SHISA9: variants seen among roughly 807,000 people sequenced by gnomAD.
SHISA9 encodes shisa family member 9.
SHISA9 carries 13 observed loss-of-function variants against 38.0 expected under a neutral mutation model. That is an observed-to-expected ratio of 0.34 (90% CI 0.22 to 0.54). SHISA9 has a LOEUF of 0.54. SHISA9 is among the 20% of genes least tolerant of loss of function. The pLI is 0.91. For missense variants in SHISA9, 538 were observed against 575.8 expected (o/e 0.93, Z 0.67); for synonymous variants, 275 against 242.0 (o/e 1.14, Z -1.27).
Position 12,970,438 on chromosome 16 carries a change from T to TAC in SHISA9, c.691+53629_691+53630dup, listed in dbSNP as rs1162079121. On this transcript the variant is annotated intron_variant, in intron 2 of 4. Transcript: ENST00000558583. ...ATATACACATATATGTATATATATATACACACATATATATATACATATATG... is the reference window on the plus strand; with the variant it reads ...ATATACACATATATGTATATATATATACACACACATATATATATACATATATG... 7.5e-3 allele frequency among the ~76,000 whole-genome samples: 410 copies of TAC among 54,754 alleles called. 15 individuals are homozygous for TAC. The highest frequency in any genetic ancestry group is 0.015 in the East Asian group (45 of 3,024). The allele number at this position is 54,754 out of a possible 152,430, so 35.9% of individuals were successfully genotyped here.
In SHISA9 at chr16:13,238,997, C is replaced by T. The variant is rs1164697853; in HGVS notation, c.*3588C>T. On this transcript the variant is annotated 3_prime_UTR_variant, in exon 5 of 5. Transcript: ENST00000558583. Reference sequence around the variant, plus strand: ...CTATCCCTCCCCCCTCCCCCCACCCCACAACAGTCCCCAGAGTGTGATGTT... The same window carrying T: ...CTATCCCTCCCCCCTCCCCCCACCCTACAACAGTCCCCAGAGTGTGATGTT... The T allele has an allele frequency of 1.4e-4, 15 of 109,254 alleles. No individual in the cohort carries two copies. In the Admixed American group the frequency reaches 1.5e-3, roughly 11 times the overall value. 6.8% of individuals were successfully genotyped at this position (109,254 alleles called of 1,614,324 possible).
At chr16:13,112,202 A>G in intron 2 of SHISA9, among the ~76,000 whole-genome samples, 1 of 152,194 alleles carries the variant, frequency 6.6e-6, no homozygotes. Flanking sequence ...GATGCCAAAT[A>G]AAGCTTTAGT....
chr16:12,939,987 CTTA>C (rs1405226714), intron 2 of SHISA9, among the ~76,000 whole-genome samples: 1 of 152,164 alleles, frequency 6.6e-6, no homozygotes, highest in Non-Finnish European at 1.5e-5. Flanking sequence ...GGAATACTGC[CTTA>C]AAAGTCATTA....
At chr16:13,222,815 T>TATATAC (rs1430368739) in intron 4 of SHISA9, among the ~76,000 whole-genome samples, 2 of 70,928 alleles carry the variant, frequency 2.8e-5, no homozygotes, top group African/African-American at 1.9e-4. Context: ...TATATATACA[T>TATATAC]ACACACACCA....
At chr16:13,440,978 G>A in the SHISA9 span, among the ~76,000 whole-genome samples, 77 of 152,192 alleles carry the variant, frequency 5.1e-4, no homozygotes, top group African/African-American at 1.7e-3. Flanking sequence ...GGGATAATCT[G>A]GGAGTCGAGA....
At chr16:13,256,560 G>T in the SHISA9 span, among the ~76,000 whole-genome samples, 3 of 152,180 alleles carry the variant, frequency 2.0e-5, no homozygotes, top group East Asian at 1.9e-4. Context: ...GATTACAGGC[G>T]TGAGCCACTG....
the SHISA9 span, among the ~76,000 whole-genome samples, chr16:13,363,164 G>T: frequency 6.6e-6 from 1 of 152,178 alleles, no homozygotes; most frequent in Admixed American, 6.5e-5. Flanking sequence ...AACAAGCATT[G>T]AAAACAACTA....
rs141441029 is a variant in SHISA9, at chr16:12,972,708, A to G, written c.691+55893A>G. 7.2e-3 allele frequency among the ~76,000 whole-genome samples: 1,098 copies of G among 152,346 alleles called. 11 individuals carry two copies. The highest frequency in any genetic ancestry group is 0.024 in the African/African-American group (996 of 41,570). On this transcript the variant is annotated intron_variant, in intron 2 of 4. Transcript: ENST00000558583. ...TTAACTAATTCAGAGTTAAATTTGAATAATTGCATGTAGCTATCGGCTACC... is the reference window on the plus strand; with the variant it reads ...TTAACTAATTCAGAGTTAAATTTGAGTAATTGCATGTAGCTATCGGCTACC...
At chr16:13,412,440 C>G in the SHISA9 span, among the ~76,000 whole-genome samples, 2 of 152,214 alleles carry the variant, frequency 1.3e-5, no homozygotes, top group South Asian at 2.1e-4. Context: ...TATTCCTTCC[C>G]CTTTCCTACG....
the SHISA9 span, among the ~76,000 whole-genome samples, chr16:13,406,494 G>A: frequency 1.3e-5 from 2 of 152,228 alleles, no homozygotes; most frequent in Non-Finnish European, 1.5e-5. Flanking sequence ...CAGGTCCAGG[G>A]CATCCTCTTT....
intron 2 of SHISA9, among the ~76,000 whole-genome samples, chr16:13,190,527 A>G (rs2050874310): frequency 6.6e-6 from 1 of 152,194 alleles, no homozygotes; most frequent in African/African-American, 2.4e-5. Flanking sequence ...ACAGATGAGC[A>G]AGGCCCCCTG....
chr16:13,248,507 T>C, the SHISA9 span, among the ~76,000 whole-genome samples: 2 of 152,206 alleles, frequency 1.3e-5, no homozygotes, highest in South Asian at 4.1e-4. Flanking sequence ...CTATAACTTC[T>C]AGTTATGTGA....
At chr16:13,483,211 C>A in the SHISA9 span, among the ~76,000 whole-genome samples, 1 of 152,110 alleles carries the variant, frequency 6.6e-6, no homozygotes, top group Non-Finnish European at 1.5e-5. Flanking sequence ...GGATTTCACT[C>A]TTGGATGTAG....
the SHISA9 span, among the ~76,000 whole-genome samples, chr16:13,371,737 C>T: frequency 6.6e-6 from 1 of 152,262 alleles, no homozygotes; most frequent in Non-Finnish European, 1.5e-5. Flanking sequence ...TAAGAACCAA[C>T]TGTGAGCTCA....
chr16:13,403,043 G>T, the SHISA9 span, among the ~76,000 whole-genome samples: 5 of 151,930 alleles, frequency 3.3e-5, no homozygotes, highest in Non-Finnish European at 7.4e-5. Flanking sequence ...ACTTGAGGTT[G>T]CAGTAAGCCG....
intron 2 of SHISA9, among the ~76,000 whole-genome samples, chr16:12,973,335 C>T (rs1454195096): frequency 6.6e-6 from 1 of 152,138 alleles, no homozygotes; most frequent in Non-Finnish European, 1.5e-5. Flanking sequence ...ACTGATTCTT[C>T]AGGGAAATAG....
At chr16:13,561,953 AG>A in the SHISA9 span, among the ~76,000 whole-genome samples, 1 of 152,020 alleles carries the variant, frequency 6.6e-6, no homozygotes, top group Non-Finnish European at 1.5e-5. Context: ...GAGTGGATCC[AG>A]GGGCATCATT....
At chr16:13,110,054 A>T (rs1028535590) in intron 2 of SHISA9, among the ~76,000 whole-genome samples, 5 of 152,146 alleles carry the variant, frequency 3.3e-5, no homozygotes, top group Non-Finnish European at 5.9e-5. Flanking sequence ...TTAAGATTAT[A>T]TTCAACTTTT....
intron 2 of SHISA9, 21 bp downstream of exon 2, chr16:12,916,836 C>A (rs942322433): frequency 1.7e-5 from 27 of 1,549,468 alleles, no homozygotes; most frequent in East Asian, 2.4e-5. Flanking sequence ...CTGCATGAAC[C>A]ATTTCCAGTC....
Sources: gnomAD v4.1 joint callset for allele counts (sites outside exome capture counted in the v4.1 genomes callset) on GRCh38, gnomAD v4.1.1 for gene constraint, MANE v1.5 for transcripts, NCBI Gene and HGNC (gene_info 2026-07-23, HGNC 2026-07-21) for gene names.